Variants in SUGP2 observed in about 807,000 individuals in gnomAD.
SUGP2 encodes the protein SURP and G-patch domain containing 2.
Under a neutral mutation model 90.5 loss-of-function variants are expected in SUGP2, and 24 were observed. The ratio of observed to expected loss-of-function variants is 0.27; its 90% CI spans 0.19 to 0.37. The LOEUF (loss-of-function observed/expected upper bound fraction) is 0.37, where lower values mean the gene tolerates loss of function less well. SUGP2 is among the 10% of genes least tolerant of loss of function. SUGP2 has a pLI of 1.00. For missense variants in SUGP2, 1,233 were observed against 1,363.3 expected (o/e 0.90, Z 1.51); for synonymous variants, 473 against 513.4 (o/e 0.92, Z 1.06).
At chr19:19,016,996 T>G (rs1452122533) in intron 4 of SUGP2, among the ~76,000 whole-genome samples, 1 of 152,174 alleles carries the variant, frequency 6.6e-6, no homozygotes, top group Non-Finnish European at 1.5e-5. Context: ...TAAATCATGG[T>G]GGGTAGGACC....
Position 19,010,098 on chromosome 19 carries a change from C to T in SUGP2, c.2095G>A (p.Gly699Arg), listed in dbSNP as rs375344970. 1.6e-5 allele frequency: 25 copies of T among 1,612,526 alleles called. No individual in the cohort carries two copies. Among genetic ancestry groups the T allele is most frequent in the Admixed American group, 1.7e-5 (1 of 59,954 alleles). ...CCTGAGGATAGGAGGGTCTGGGTCC[C>T]GGTGGTCGCTCTCCTCGCCTTCCAG... ...RGWKARRATT[G>R]TQTLLSSGTR... Residue 699 changes from glycine to arginine, a missense_variant, in exon 5 of 11, where the codon GGG (glycine) becomes AGG (arginine). By Grantham distance (125) the Gly-to-Arg change is moderately radical. Transcript: ENST00000452918.
chr19:19,016,280 C>T (rs1273079398), intron 4 of SUGP2, among the ~76,000 whole-genome samples: 1 of 152,082 alleles, frequency 6.6e-6, no homozygotes, highest in East Asian at 1.9e-4. Context: ...ATCCACCCAC[C>T]TTATAGGTGT....
intron 1 of SUGP2, among the ~76,000 whole-genome samples, chr19:19,032,671 G>A (rs1360074994): frequency 2.0e-5 from 3 of 152,150 alleles, no homozygotes; most frequent in South Asian, 4.2e-4. Flanking sequence ...ATTAGGGTGA[G>A]GAGGCAAAGG....
intron 3 of SUGP2, among the ~76,000 whole-genome samples, chr19:19,022,963 A>G (rs10416783): frequency 0.75 from 114,391 of 152,066 alleles, 43,233 homozygotes; most frequent in East Asian, 0.89. Context: ...AGACAGCATG[A>G]TTACCATGTG....
chr19:19,005,954 G>T (rs562356466), intron 6 of SUGP2, among the ~76,000 whole-genome samples: 1 of 151,616 alleles, frequency 6.6e-6, no homozygotes, highest in Non-Finnish European at 1.5e-5. Context: ...AATCTGGGCC[G>T]GGCATGGTGG....
Position 19,025,714 on chromosome 19 carries a change from T to C in SUGP2, c.634A>G (p.Arg212Gly). ...TCAACGATGTTTAGAGCTCGACCTCTGGCCTGGACTTGACTGCCGCCCCTA... is the reference window on the plus strand; with the variant it reads ...TCAACGATGTTTAGAGCTCGACCTCCGGCCTGGACTTGACTGCCGCCCCTA... ...VLRGGSQVQA[R>G]GRALNIVDQE... The change falls in exon 3 of 11, where the codon AGA (arginine) becomes GGA (glycine). Residue 212 changes from arginine (R) to glycine (G), a missense_variant. Physicochemically the swap from Arg to Gly is moderately radical, Grantham distance 125. Coordinates refer to ENST00000452918, the MANE Select transcript of SUGP2 (RefSeq NM_001017392.5). 1 of 1,614,070 alleles carries C rather than the reference T, an allele frequency of 6.2e-7. No individual in the cohort carries two copies. Among genetic ancestry groups the C allele is most frequent in the Non-Finnish European group, 8.5e-7 (1 of 1,179,964 alleles).
chr19:19,010,116 C>A lies in SUGP2; in HGVS notation c.2077G>T (p.Ala693Ser). 1 of 1,604,788 alleles carries A rather than the reference C, an allele frequency of 6.2e-7. No individual in the cohort carries two copies. Among genetic ancestry groups the A allele is most frequent in the African/African-American group, 1.4e-5 (1 of 72,764 alleles). The change falls in exon 5 of 11, where the codon GCG becomes TCG. Residue 693 changes from alanine (A) to serine (S), a missense_variant. By Grantham distance (99) the Ala-to-Ser change is moderately conservative. Around this residue, in one of 8 missense-constraint regions of SUGP2, gnomAD observed 540 missense variants for 542.6 expected, o/e 1.00. Coordinates refer to ENST00000452918, the MANE Select transcript of SUGP2 (RefSeq NM_001017392.5). ...LRAQGLRGWK[A>S]RRATTGTQTL... Reference sequence around the variant, plus strand: ...TGGGTCCCGGTGGTCGCTCTCCTCGCCTTCCAGCCCCGGAGCCCTTGAGCA... The same window carrying A: ...TGGGTCCCGGTGGTCGCTCTCCTCGACTTCCAGCCCCGGAGCCCTTGAGCA...
intron 9 of SUGP2, chr19:18,994,743 T>A (rs1343536068): frequency 1.3e-5 from 7 of 550,028 alleles, no homozygotes; most frequent in Non-Finnish European, 2.3e-5. Flanking sequence ...AAGCTCAGTA[T>A]TAAATGAAAT....
intron 4 of SUGP2, among the ~76,000 whole-genome samples, chr19:19,017,178 C>T (rs7259510): frequency 0.64 from 97,782 of 152,064 alleles, 32,838 homozygotes; most frequent in East Asian, 0.88. Context: ...GAGTGAGATC[C>T]TGTCACTAAC....
chr19:19,021,169 A>AAAG lies in SUGP2; in HGVS notation c.1730-1941_1730-1940insCTT, dbSNP rs1555742272. On this transcript the variant is annotated intron_variant, in intron 3 of 10. Transcript: ENST00000452918. ...AGCAAAATTCCATCTCAAAAAAAAAAAAAAAAAAAAAGCAAAGAATGGTCT... is the reference window on the plus strand; with the variant it reads ...AGCAAAATTCCATCTCAAAAAAAAAAAAGAAAAAAAAAAAGCAAAGAATGGTCT... Among the ~76,000 whole-genome samples, 5 of 151,418 alleles carry AAAG rather than the reference A, an allele frequency of 3.3e-5. No individual in the cohort carries two copies. In the East Asian group the frequency reaches 9.6e-4, roughly 29 times the overall value.
At chr19:18,994,986 TA>T in intron 9 of SUGP2, 157 bp downstream of exon 9, 1 of 849,778 alleles carries the variant, frequency 1.2e-6, no homozygotes. Flanking sequence ...CCTGCACATG[TA>T]AATGATCAGC....
intron 3 of SUGP2, among the ~76,000 whole-genome samples, chr19:19,020,863 A>C (rs1401134297): frequency 3.9e-5 from 6 of 152,112 alleles, no homozygotes; most frequent in Non-Finnish European, 8.8e-5. Flanking sequence ...TCTAGTTTTA[A>C]AAGTACAGAA....
intron 8 of SUGP2, among the ~76,000 whole-genome samples, chr19:18,995,971 G>C (rs890451279): frequency 6.6e-6 from 1 of 152,046 alleles, no homozygotes; most frequent in African/African-American, 2.4e-5. Context: ...GCCTCTGGAG[G>C]AGGAGCCTGC....
chr19:19,021,159 CA>C lies in SUGP2; in HGVS notation c.1730-1931del, dbSNP rs386388689. On this transcript the variant is annotated intron_variant, in intron 3 of 10. Transcript: ENST00000452918. ...GGGCAACAAGAGCAAAATTCCATCT[CA>C]AAAAAAAAAAAAAAAAAAAAGCAAA... is the stretch of plus-strand genomic sequence containing the variant. 4.7e-3 allele frequency among the ~76,000 whole-genome samples: 314 copies of C among 66,940 alleles called. 1 individual carries two copies. The highest frequency in any genetic ancestry group is 6.2e-3 in the Non-Finnish European group (237 of 38,220). 43.9% of individuals were successfully genotyped at this position (66,940 alleles called of 152,430 possible).
At position 19,024,772 on chromosome 19, in the gene SUGP2, C is replaced by G; in HGVS notation, c.1576G>C (p.Glu526Gln). 1 of 1,614,196 alleles carries G rather than the reference C, an allele frequency of 6.2e-7. No individual in the cohort carries two copies. The highest frequency in any genetic ancestry group is 8.5e-7 in the Non-Finnish European group (1 of 1,180,046). The change falls in exon 3 of 11, where the codon GAG becomes CAG. Residue 526 changes from glutamate to glutamine, a missense_variant. By Grantham distance (29) the Glu-to-Gln change is conservative (BLOSUM62 2). Around this residue, in one of 8 missense-constraint regions of SUGP2, gnomAD observed 540 missense variants for 542.6 expected, o/e 1.00. Coordinates refer to ENST00000452918, the MANE Select transcript of SUGP2 (RefSeq NM_001017392.5). ...NFEDSTLFGR[E>Q]YIDHLKAWLV... The stretch of plus-strand genomic sequence containing the variant: ...CAGGCCTTCAGGTGGTCTATGTACT[C>G]TCGCCCAAACAAAGTGGAGTCTTCG...
chr19:19,033,473 G>A lies in SUGP2; in HGVS notation c.-48C>T, dbSNP rs996068516. 323 of 1,406,154 alleles carry A rather than the reference G, an allele frequency of 2.3e-4. No individual in the cohort carries two copies. Among genetic ancestry groups the A allele is most frequent in the Non-Finnish European group, 2.8e-4 (299 of 1,079,132 alleles). 87.1% of individuals were successfully genotyped at this position (1,406,154 alleles called of 1,614,324 possible). ...CGCGCGCGGAGCCACCCCCGCCGCC[G>A]CCTCAGGCTCCTCACCCGCCGCCGC... On this transcript the variant is annotated 5_prime_UTR_variant, in exon 1 of 11. Coordinates refer to ENST00000452918, the MANE Select transcript of SUGP2 (RefSeq NM_001017392.5).
rs778625084 is a variant in SUGP2, at chr19:19,024,856, T to C, written c.1492A>G (p.Ile498Val). The C allele has an allele frequency of 6.2e-7, 1 of 1,614,104 alleles. No individual in the cohort carries two copies. Among genetic ancestry groups the C allele is most frequent in the Non-Finnish European group, 8.5e-7 (1 of 1,180,024 alleles). Residue 498 changes from isoleucine (I) to valine (V), a missense_variant, in exon 3 of 11, where the codon ATC becomes GTC. By Grantham distance (29) the Ile-to-Val change is conservative. Around this residue, in one of 8 missense-constraint regions of SUGP2, gnomAD observed 59 missense variants for 92.6 expected, o/e 0.64. Transcript: ENST00000452918. ...TCTTGCAGGCCGACAGCTTCTAAGATTTTCTCCTGCCGGAAAGAAGAGGCC... is the reference window on the plus strand; with the variant it reads ...TCTTGCAGGCCGACAGCTTCTAAGACTTTCTCCTGCCGGAAAGAAGAGGCC... ...SLASSFRQEK[I>V]LEAVGLQDIA... is the part of the protein sequence containing the mutation.
chr19:19,026,575 G>A (rs1250100462), intron 2 of SUGP2, among the ~76,000 whole-genome samples: 2 of 152,168 alleles, frequency 1.3e-5, no homozygotes, highest in African/African-American at 2.4e-5. Context: ...CTACTCTCTA[G>A]CCATCTGGGT....
Position 19,000,448 on chromosome 19 carries a change from C to T in SUGP2, c.2991+1165G>A, listed in dbSNP as rs532881800. Among the ~76,000 whole-genome samples, 126 of 152,312 alleles carry T rather than the reference C, an allele frequency of 8.3e-4. 1 individual carries two copies. Among genetic ancestry groups the T allele is most frequent in the African/African-American group, 2.8e-3 (117 of 41,574 alleles). ...TTGCTGCTGCCTCCAGGTGGACAGT[C>T]GGGACCTGGCACGTAGGAGGTGCTG... On this transcript the variant is annotated intron_variant, in intron 8 of 10. Transcript: ENST00000452918.
Sources: allele counts gnomAD v4.1 joint callset (sites outside exome capture counted in the v4.1 genomes callset), GRCh38; gene constraint gnomAD v4.1.1; regional missense constraint gnomAD v4.1.1; transcripts MANE v1.5; gene names NCBI Gene and HGNC (gene_info 2026-07-23, HGNC 2026-07-21).